The following ADAMTS17 variants were observed in gnomAD, a reference collection of about 807,000 sequenced individuals.
ADAMTS17 encodes the protein A disintegrin and metalloproteinase with thrombospondin motifs 17.
ADAMTS17 carries 113 observed loss-of-function variants against 141.5 expected under a neutral mutation model. That is an observed-to-expected ratio of 0.80 (90% confidence interval 0.69 to 0.93). The LOEUF is 0.93. Among genes scored for constraint, ADAMTS17 ranks in the 40% least tolerant of loss-of-function variants. The pLI is 0.00. For synonymous variants in ADAMTS17, 768 were observed against 630.6 expected, an observed-to-expected ratio of 1.22 and a Z score of -3.27; for missense variants, 1,659 against 1,517.9, an observed-to-expected ratio of 1.09 and a Z score of -1.54.
At chr15:100,111,119 G>A (rs1488786133) in intron 13 of ADAMTS17, among the ~76,000 whole-genome samples, 1 of 152,152 alleles carries the variant, frequency 6.6e-6, no homozygotes, top group Non-Finnish European at 1.5e-5. Flanking sequence ...GGGGAGTAAT[G>A]ATGCCTCACC....
At chr15:100,070,396 T>C (rs994755342) in intron 15 of ADAMTS17, among the ~76,000 whole-genome samples, 6 of 150,234 alleles carry the variant, frequency 4.0e-5, no homozygotes, top group Non-Finnish European at 5.9e-5. Context: ...GTGGACCTAA[T>C]AGACATCTAT....
intron 19 of ADAMTS17, among the ~76,000 whole-genome samples, chr15:99,995,780 C>G (rs2141340404): frequency 6.6e-6 from 1 of 152,294 alleles, no homozygotes; most frequent in East Asian, 1.9e-4. Context: ...TCGCGAGCTT[C>G]CCATGGGGAA....
intron 16 of ADAMTS17, 25 bp downstream of exon 16, chr15:100,053,872 C>A: frequency 2.5e-6 from 4 of 1,614,164 alleles, no homozygotes; most frequent in Non-Finnish European, 3.4e-6. Context: ...CCCCCTAAGA[C>A]AAGTGTGGAA....
At chr15:99,983,774 C>G (rs1222311029) in intron 20 of ADAMTS17, among the ~76,000 whole-genome samples, 1 of 152,196 alleles carries the variant, frequency 6.6e-6, no homozygotes, top group Non-Finnish European at 1.5e-5. Flanking sequence ...CCCGTCCCCA[C>G]TGAGTGAGTC....
chr15:100,341,869 C>A lies in ADAMTS17; in HGVS notation c.31G>T (p.Val11Phe), dbSNP rs1446612637. ...ACCAGCAGCAGCAGCACGGGCAGGACGAGCGGAGGCAGCAGGGCGCCGTCA... is the reference window on the plus strand; with the variant it reads ...ACCAGCAGCAGCAGCACGGGCAGGAAGAGCGGAGGCAGCAGGGCGCCGTCA... MCDGALLPPLVLPVLLLLVWG... is the reference protein window; with the variant it reads MCDGALLPPLFLPVLLLLVWG... The change falls in exon 1 of 22, where the codon GTC becomes TTC. Residue 11 changes from valine to phenylalanine, a missense_variant. Coordinates refer to ENST00000268070, the MANE Select transcript of ADAMTS17 (RefSeq NM_139057.4). 1.3e-6 allele frequency: 2 copies of A among 1,552,590 alleles called. No homozygotes were observed. Among genetic ancestry groups the A allele is most frequent in the East Asian group, 2.4e-5 (1 of 41,044 alleles).
At chr15:100,295,635 C>T (rs2044782119) in intron 3 of ADAMTS17, among the ~76,000 whole-genome samples, 1 of 152,184 alleles carries the variant, frequency 6.6e-6, no homozygotes. Flanking sequence ...GGAAATTCAC[C>T]TTTTATTTCT....
intron 7 of ADAMTS17, among the ~76,000 whole-genome samples, chr15:100,243,474 A>G (rs530220457): frequency 2.9e-4 from 44 of 152,270 alleles, no homozygotes; most frequent in African/African-American, 1.1e-3. Flanking sequence ...CCTCGCCAAC[A>G]TTTGTTATTT....
At chr15:100,051,372 G>A (rs1298865912) in intron 17 of ADAMTS17, among the ~76,000 whole-genome samples, 200 bp downstream of exon 17, 1 of 152,196 alleles carries the variant, frequency 6.6e-6, no homozygotes. Flanking sequence ...GCAAAGCAGA[G>A]GTATGGGCAT....
intron 12 of ADAMTS17, among the ~76,000 whole-genome samples, chr15:100,117,761 C>A (rs761933308): frequency 1.3e-5 from 2 of 152,184 alleles, no homozygotes; most frequent in African/African-American, 4.8e-5. Context: ...ACCTGGGCAA[C>A]CTCAGTGGTT....
intron 15 of ADAMTS17, among the ~76,000 whole-genome samples, chr15:100,055,618 A>C (rs75111294): frequency 0.034 from 5,120 of 152,254 alleles, 129 homozygotes; most frequent in Non-Finnish European, 0.053. Flanking sequence ...CAGCTTAGGA[A>C]AGAGAAAGCC....
chr15:100,237,344 C>T (rs899018301), intron 7 of ADAMTS17, among the ~76,000 whole-genome samples: 3 of 152,202 alleles, frequency 2.0e-5, no homozygotes, highest in African/African-American at 7.2e-5. Flanking sequence ...TGGGGTCTCA[C>T]TTCCCTGCCT....
chr15:99,978,573 G>T (rs1324361417), intron 20 of ADAMTS17: 1 of 152,218 alleles, frequency 6.6e-6, no homozygotes, highest in Non-Finnish European at 1.5e-5. Context: ...AGATTTCAGG[G>T]CTCCATCCCA....
At chr15:100,053,251 T>A (rs1033018367) in intron 16 of ADAMTS17, among the ~76,000 whole-genome samples, 3 of 152,120 alleles carry the variant, frequency 2.0e-5, no homozygotes, top group Non-Finnish European at 4.4e-5. Flanking sequence ...ATCTCTGACA[T>A]GTTTAAAAGG....
chr15:100,239,779 C>T (rs2141890187), intron 7 of ADAMTS17, among the ~76,000 whole-genome samples: 1 of 152,268 alleles, frequency 6.6e-6, no homozygotes, highest in East Asian at 1.9e-4. Flanking sequence ...CATGCCACTC[C>T]TATGCAGTTG....
rs934690880 is a variant in ADAMTS17 at position 100,109,080 on chromosome 15, T to C, written c.1925A>G (p.Lys642Arg). 1 of 1,613,846 alleles carries C rather than the reference T, an allele frequency of 6.2e-7. No homozygotes were observed. ...GTCGGCCACCAGCAGTGGGGACTCCTTCCCGAGGGGCGAGCAGTAGAGTTC... is the reference window on the plus strand; with the variant it reads ...GTCGGCCACCAGCAGTGGGGACTCCCTCCCGAGGGGCGAGCAGTAGAGTTC... ...PCELYCSPLG[K>R]ESPLLVADRV... Residue 642 changes from lysine to arginine, a missense_variant, in exon 14 of 22, where the codon AAG becomes AGG. Physicochemically the swap from Lys to Arg is conservative, Grantham distance 26. Transcript: ENST00000268070.
At chr15:100,341,663 C>T (rs2046370661) in intron 1 of ADAMTS17, among the ~76,000 whole-genome samples, 158 bp downstream of exon 1, 2 of 151,250 alleles carry the variant, frequency 1.3e-5, no homozygotes, top group Non-Finnish European at 1.5e-5. Context: ...GCCACGGAGC[C>T]ACCCGATTCC....
chr15:100,261,555 G>C lies in ADAMTS17; in HGVS notation c.955C>G (p.Arg319Gly). 1 of 1,614,128 alleles carries C rather than the reference G, an allele frequency of 6.2e-7. No homozygotes were observed. Among genetic ancestry groups the C allele is most frequent in the Non-Finnish European group, 8.5e-7 (1 of 1,180,040 alleles). The change falls in exon 6 of 22, where the codon CGA becomes GGA. Residue 319 changes from arginine to glycine, a missense_variant. Coordinates refer to ENST00000268070, the MANE Select transcript of ADAMTS17 (RefSeq NM_139057.4). ...HWQNEEYGGARYLGNNQVPGG... is the reference protein window; with the variant it reads ...HWQNEEYGGAGYLGNNQVPGG... The stretch of plus-strand genomic sequence containing the variant: ...GGAACCTGGTTATTGCCGAGGTATC[G>C]CGCTCCTCCATACTCCTCGTTCTGC...
At chr15:100,221,031 G>C (rs1229282853) in intron 7 of ADAMTS17, among the ~76,000 whole-genome samples, 1 of 152,152 alleles carries the variant, frequency 6.6e-6, no homozygotes, top group East Asian at 1.9e-4. Flanking sequence ...ACCTACCTAG[G>C]AGTGAAACAG....
chr15:100,010,573 T>TA (rs1428637861), intron 18 of ADAMTS17, among the ~76,000 whole-genome samples: 1 of 152,210 alleles, frequency 6.6e-6, no homozygotes, highest in African/African-American at 2.4e-5. Flanking sequence ...TCCCAGGCCC[T>TA]TCCCAAAAAA....
Sources: allele counts gnomAD v4.1 joint callset (sites outside exome capture counted in the v4.1 genomes callset), GRCh38; gene constraint gnomAD v4.1.1; transcripts MANE v1.5; gene names NCBI Gene and HGNC (gene_info 2026-07-23, HGNC 2026-07-21).